The following VWA8 variants were observed in gnomAD, a reference collection of about 807,000 sequenced individuals.
VWA8 encodes von Willebrand factor A domain-containing protein 8.
In VWA8, 221 loss-of-function variants were observed where a neutral mutation model predicts 241.5. The observed-to-expected ratio is 0.91, with a 90% CI of 0.82 to 1.02. VWA8 has a LOEUF of 1.02. VWA8 is among the 50% of genes least tolerant of loss of function. The probability of loss-of-function intolerance (pLI) is 0.00; values close to 1 mark genes in which losing one functional copy is unlikely to be tolerated. For missense variants in VWA8, 2,322 were observed against 2,328.7 expected (o/e 1.00, Z 0.06); for synonymous variants, 852 against 827.1 (o/e 1.03, Z -0.52).
intron 20 of VWA8, among the ~76,000 whole-genome samples, chr13:41,772,068 T>C (rs1317276998): frequency 6.6e-6 from 1 of 151,814 alleles, no homozygotes; most frequent in African/African-American, 2.4e-5. Context: ...TTTTGTATTT[T>C]TGGTAGAGAC....
chr13:41,883,544 A>G (rs1874369066), intron 8 of VWA8, 53 bp from the exon 9 acceptor site: 25 of 1,325,806 alleles, frequency 1.9e-5, no homozygotes, highest in Non-Finnish European at 2.6e-5. Flanking sequence ...ATAATCACAG[A>G]AAACATCTGA....
At chr13:41,678,400 A>G (rs1434639589) in intron 35 of VWA8, among the ~76,000 whole-genome samples, 1 of 152,218 alleles carries the variant, frequency 6.6e-6, no homozygotes, top group Admixed American at 6.5e-5. Flanking sequence ...TATAAGGTCA[A>G]TCTTGGATAA....
chr13:41,643,172 C>T (rs1235995789), intron 37 of VWA8, among the ~76,000 whole-genome samples: 1 of 152,194 alleles, frequency 6.6e-6, no homozygotes, highest in Non-Finnish European at 1.5e-5. Context: ...CACTTATTGT[C>T]TAAACTGCAT....
At chr13:41,799,610 G>A (rs1192293206) in intron 17 of VWA8, among the ~76,000 whole-genome samples, 20 of 152,148 alleles carry the variant, frequency 1.3e-4, no homozygotes, top group Admixed American at 1.3e-3. Flanking sequence ...ACATATGCCT[G>A]CAGCCACGTC....
chr13:41,905,544 C>T (rs755606524), intron 4 of VWA8, among the ~76,000 whole-genome samples: 22 of 152,054 alleles, frequency 1.4e-4, no homozygotes, highest in Non-Finnish European at 2.4e-4. Flanking sequence ...ATCTAAAAGA[C>T]AAACATAAAA....
intron 21 of VWA8, among the ~76,000 whole-genome samples, chr13:41,757,172 G>A (rs1285215924): frequency 1.3e-5 from 2 of 151,634 alleles, no homozygotes; most frequent in Admixed American, 1.3e-4. Context: ...TCAGATTCAG[G>A]GGAACATAGA....
chr13:41,846,158 C>A (rs773685266), intron 12 of VWA8, among the ~76,000 whole-genome samples: 1 of 151,844 alleles, frequency 6.6e-6, no homozygotes, highest in East Asian at 1.9e-4. Context: ...GATCCATCCG[C>A]CCAAGTAGGT....
At chr13:41,806,012 A>T (rs1870187429) in intron 17 of VWA8, among the ~76,000 whole-genome samples, 1 of 151,492 alleles carries the variant, frequency 6.6e-6, no homozygotes, top group Admixed American at 6.6e-5. Context: ...AAAAAAAAAA[A>T]AAAAAGAAAT....
chr13:41,572,818 AAAAG>A (rs2044317416), intron 43 of VWA8, among the ~76,000 whole-genome samples: 1 of 149,900 alleles, frequency 6.7e-6, no homozygotes, highest in East Asian at 2.0e-4. Context: ...AAAAAAAAAA[AAAAG>A]AAACAGGCCG....
chr13:41,570,577 G>A lies in VWA8; in HGVS notation c.5500C>T (p.Leu1834=), dbSNP rs2044294102. The change falls in exon 44 of 45, where the codon CTG becomes TTG. Residue 1834 remains leucine, a synonymous_variant. Coordinates refer to ENST00000379310, the MANE Select transcript of VWA8 (RefSeq NM_015058.2). The part of the protein sequence containing the change: ...YFVIVLSDAN[L]SRYGIHPAKF... ...GCAGGATGTATTCCATATCGTGACA[G>A]ATTTGCATCACTCAAGACTATGACA... The A allele has an allele frequency of 1.2e-6, 2 of 1,614,112 alleles. No individual in the cohort carries two copies. Among genetic ancestry groups the A allele is most frequent in the African/African-American group, 2.7e-5 (2 of 74,940 alleles).
chr13:41,952,321 A>T (rs1475675915), intron 1 of VWA8, among the ~76,000 whole-genome samples: 2 of 152,150 alleles, frequency 1.3e-5, no homozygotes, highest in African/African-American at 4.8e-5. Flanking sequence ...GTACAATCTT[A>T]GTTACTGCCA....
intron 14 of VWA8, among the ~76,000 whole-genome samples, chr13:41,825,772 A>T (rs1871148558): frequency 6.6e-6 from 1 of 152,264 alleles, no homozygotes; most frequent in South Asian, 2.1e-4. Flanking sequence ...GATTAAGTAC[A>T]GAAATGAAAG....
chr13:41,593,351 T>C (rs1165465573), intron 40 of VWA8, among the ~76,000 whole-genome samples: 2 of 152,216 alleles, frequency 1.3e-5, no homozygotes, highest in Admixed American at 6.5e-5. Context: ...TTCCAGATTA[T>C]GTTCTTGGCA....
intron 20 of VWA8, among the ~76,000 whole-genome samples, chr13:41,762,707 A>G (rs1384317337): frequency 3.3e-5 from 5 of 152,158 alleles, no homozygotes. Context: ...CATCTTGTGA[A>G]GAAAAGCATT....
chr13:41,933,670 A>G (rs997290549), intron 2 of VWA8, among the ~76,000 whole-genome samples: 8 of 152,098 alleles, frequency 5.3e-5, no homozygotes, highest in African/African-American at 1.9e-4. Context: ...ACACACAGGC[A>G]TCAGACTTCT....
At chr13:41,752,654 A>G (rs972002718) in intron 21 of VWA8, among the ~76,000 whole-genome samples, 2 of 152,216 alleles carry the variant, frequency 1.3e-5, no homozygotes, top group African/African-American at 4.8e-5. Context: ...AAACTACTAC[A>G]GTGCAAACCA....
chr13:41,681,855 A>G (rs1289406280), intron 35 of VWA8, among the ~76,000 whole-genome samples: 1 of 152,048 alleles, frequency 6.6e-6, no homozygotes, highest in South Asian at 2.1e-4. Flanking sequence ...GATGAGAATG[A>G]GTTTGGGGGT....
intron 43 of VWA8, among the ~76,000 whole-genome samples, chr13:41,571,428 C>G (rs868289931): frequency 2.0e-5 from 3 of 151,618 alleles, no homozygotes; most frequent in Middle Eastern, 3.4e-3. Flanking sequence ...GCCGCCATCT[C>G]GGCTCACTGC....
In VWA8 at chr13:41,717,130, T is replaced by C. The variant is rs562767428; in HGVS notation, c.3116+2461A>G. On this transcript the variant is annotated intron_variant, in intron 26 of 44. Transcript: ENST00000379310. ...TACTGATGATCCACAATGAAGATAATTGCATATTCTGGCCTGGCCAGGGCA... is the reference window on the plus strand; with the variant it reads ...TACTGATGATCCACAATGAAGATAACTGCATATTCTGGCCTGGCCAGGGCA... Among the ~76,000 whole-genome samples, 5 of 152,072 alleles carry C rather than the reference T, an allele frequency of 3.3e-5. No homozygotes were observed. In the South Asian group the frequency reaches 8.3e-4, roughly 25 times the overall value.
Sources: gnomAD v4.1 joint callset for allele counts (sites outside exome capture counted in the v4.1 genomes callset) on GRCh38, gnomAD v4.1.1 for gene constraint, MANE v1.5 for transcripts, NCBI Gene and HGNC (gene_info 2026-07-23, HGNC 2026-07-21) for gene names.